The following DPT variants were observed in gnomAD, a reference collection of about 807,000 sequenced individuals.
The protein encoded by DPT is dermatopontin.
A neutral mutation model predicts 31.2 loss-of-function variants in DPT; 21 were observed. The observed-to-expected ratio is 0.67, with a 90% CI of 0.48 to 0.97. DPT has a LOEUF of 0.97. Ranked by LOEUF, DPT falls within the 50% of genes least tolerant of loss-of-function variation. The pLI is 0.00. For missense variants in DPT, 262 were observed against 258.8 expected, an observed-to-expected ratio of 1.01 and a Z score of -0.08; for synonymous variants, 91 against 86.9, an observed-to-expected ratio of 1.05 and a Z score of -0.26.
intron 2 of DPT, 40 bp downstream of exon 2, chr1:168,714,181 C>T: frequency 6.2e-7 from 1 of 1,613,500 alleles, no homozygotes; most frequent in Non-Finnish European, 8.5e-7. Context: ...GCCTCTCCCA[C>T]CCCAGGAGTC....
intron 3 of DPT, among the ~76,000 whole-genome samples, chr1:168,698,244 T>C (rs1005200395): frequency 1.3e-5 from 2 of 151,884 alleles, no homozygotes; most frequent in Non-Finnish European, 2.9e-5. Flanking sequence ...TTTAGAACAA[T>C]TGGGTATAGA....
At chr1:168,716,330 G>A (rs777742271) in intron 1 of DPT, among the ~76,000 whole-genome samples, 17 of 151,990 alleles carry the variant, frequency 1.1e-4, no homozygotes, top group Admixed American at 3.9e-4. Flanking sequence ...ATTGAGAGAT[G>A]GGCTCGGTAT....
chr1:168,728,735 A>G lies in DPT; in HGVS notation c.305+135T>C, dbSNP rs764434526. ...GCAGCAGCCCTGCTCCACCCAGAGC[A>G]TGCAGTGGTGAGGTTTGGGGTGGGA... On this transcript the variant is annotated intron_variant, in intron 1 of 3. Coordinates refer to ENST00000367817, the MANE Select transcript of DPT (RefSeq NM_001937.5). The G allele has an allele frequency of 6.2e-4, 663 of 1,068,110 alleles. 1 individual carries two copies. The highest frequency in any genetic ancestry group is 6.7e-4 in the Non-Finnish European group (496 of 739,294). The allele number at this position is 1,068,110 out of a possible 1,614,324, so 66.2% of individuals were successfully genotyped here. A position where few individuals can be genotyped will look rare whatever the true frequency, so the allele number is the denominator to read the frequency against.
At chr1:168,699,271 C>T (rs1557845286) in intron 3 of DPT, among the ~76,000 whole-genome samples, 1 of 152,036 alleles carries the variant, frequency 6.6e-6, no homozygotes, top group South Asian at 2.1e-4. Context: ...GGGAGCATGG[C>T]CCTGCTAAAT....
chr1:168,699,069 A>T (rs1313847349), intron 3 of DPT, among the ~76,000 whole-genome samples: 1 of 152,180 alleles, frequency 6.6e-6, no homozygotes, highest in African/African-American at 2.4e-5. Flanking sequence ...CTAAAAAGTG[A>T]ATTTACTGAA....
At chr1:168,728,721 G>C (rs1233299356) in intron 1 of DPT, 149 bp downstream of exon 1, 1 of 975,808 alleles carries the variant, frequency 1.0e-6, no homozygotes, top group Non-Finnish European at 1.5e-6. Flanking sequence ...CAGCAGCCCT[G>C]CTCCACCCAG....
chr1:168,725,198 G>C (rs796678015), intron 1 of DPT, among the ~76,000 whole-genome samples: 1 of 71,588 alleles, frequency 1.4e-5, no homozygotes. Context: ...TTCTTCCTTT[G>C]CTTTTCTTTC....
intron 1 of DPT, among the ~76,000 whole-genome samples, chr1:168,721,976 T>C (rs1650125380): frequency 6.6e-6 from 1 of 152,226 alleles, no homozygotes; most frequent in South Asian, 2.1e-4. Context: ...ACAGCATCTC[T>C]GGATAGAAAG....
intron 1 of DPT, among the ~76,000 whole-genome samples, chr1:168,723,685 C>T (rs1178814408): frequency 6.6e-6 from 1 of 152,098 alleles, no homozygotes; most frequent in Non-Finnish European, 1.5e-5. Context: ...TGTTTTTATT[C>T]AGTTTTTAAT....
intron 2 of DPT, among the ~76,000 whole-genome samples, chr1:168,708,412 A>T (rs971113914): frequency 9.2e-5 from 14 of 152,180 alleles, no homozygotes; most frequent in African/African-American, 3.1e-4. Context: ...CATGCAATGG[A>T]AGGCAATGGT....
chr1:168,714,585 T>C (rs1016109612), intron 1 of DPT, among the ~76,000 whole-genome samples: 1 of 152,220 alleles, frequency 6.6e-6, no homozygotes, highest in Non-Finnish European at 1.5e-5. Flanking sequence ...GCCCCTGTCA[T>C]ACCTCTTTCA....
At chr1:168,718,790 C>A (rs1025259861) in intron 1 of DPT, among the ~76,000 whole-genome samples, 1 of 152,112 alleles carries the variant, frequency 6.6e-6, no homozygotes, top group Non-Finnish European at 1.5e-5. Context: ...ATGTAAAATT[C>A]CTGGGATTAA....
At chr1:168,708,997 A>T (rs1649787901) in intron 2 of DPT, among the ~76,000 whole-genome samples, 1 of 152,242 alleles carries the variant, frequency 6.6e-6, no homozygotes, top group South Asian at 2.1e-4. Flanking sequence ...CTGGCTTATG[A>T]CTTGCACACA....
At chr1:168,720,168 T>C (rs535938508) in intron 1 of DPT, among the ~76,000 whole-genome samples, 46 of 151,902 alleles carry the variant, frequency 3.0e-4, no homozygotes, top group Middle Eastern at 3.4e-3. Context: ...CTGTGTGGAG[T>C]CAGTGATAAT....
rs7541812 is a variant in DPT, at chr1:168,718,351, C to T, written c.306-4005G>A. The stretch of plus-strand genomic sequence containing the variant: ...CAGGCTGCTGGCCCCAGTGCCTGTA[C>T]GGGAAGTGTGTGTCACTTTCTCACA... On this transcript the variant is annotated intron_variant, in intron 1 of 3. Transcript: ENST00000367817. 6.4e-3 allele frequency among the ~76,000 whole-genome samples: 982 copies of T among 152,370 alleles called. 8 individuals carry two copies. The highest frequency in any genetic ancestry group is 0.022 in the African/African-American group (931 of 41,590).
intron 2 of DPT, among the ~76,000 whole-genome samples, chr1:168,707,009 G>A (rs1649733244): frequency 6.6e-6 from 1 of 152,168 alleles, no homozygotes; most frequent in Non-Finnish European, 1.5e-5. Context: ...TGCCTACTGT[G>A]CTATTATGTA....
intron 2 of DPT, among the ~76,000 whole-genome samples, chr1:168,703,905 C>T (rs1317551203): frequency 6.6e-6 from 1 of 152,184 alleles, no homozygotes; most frequent in African/African-American, 2.4e-5. Flanking sequence ...CTGCATTTAG[C>T]GCTTGATGAC....
At chr1:168,722,037 G>GT (rs932349555) in intron 1 of DPT, among the ~76,000 whole-genome samples, 1 of 151,946 alleles carries the variant, frequency 6.6e-6, no homozygotes. Context: ...AATTCCTCAG[G>GT]TTTTTTTGGA....
intron 1 of DPT, among the ~76,000 whole-genome samples, chr1:168,722,005 C>T (rs973444062): frequency 2.6e-5 from 4 of 152,224 alleles, no homozygotes; most frequent in Middle Eastern, 3.4e-3. Context: ...CAGGACAGAG[C>T]GAGAATGCCT....
Sources: gnomAD v4.1 joint callset for allele counts (sites outside exome capture counted in the v4.1 genomes callset) on GRCh38, gnomAD v4.1.1 for gene constraint, MANE v1.5 for transcripts, NCBI Gene and HGNC (gene_info 2026-07-23, HGNC 2026-07-21) for gene names.